Variants in TMEM114 observed in about 807,000 individuals in gnomAD.
TMEM114 encodes the protein claudin-26.
Under a neutral mutation model 6.2 loss-of-function variants are expected in TMEM114, and 6 were observed. The ratio of observed to expected loss-of-function variants is 0.97; its 90% CI spans 0.53 to 1.91. The LOEUF (loss-of-function observed/expected upper bound fraction) is 1.91, where lower values mean the gene tolerates loss of function less well. TMEM114 is among the 40% of genes most tolerant of loss of function. The pLI, the probability that TMEM114 is intolerant of heterozygous loss-of-function variation, is 0.01. For synonymous variants in TMEM114, 104 were observed against 73.0 expected, an observed-to-expected ratio of 1.42 and a Z score of -2.16; for missense variants, 218 against 158.3, an observed-to-expected ratio of 1.38 and a Z score of -2.02.
At chr16:8,548,694 G>GTATA (rs141212101) in intron 2 of TMEM114, among the ~76,000 whole-genome samples, 38,283 of 139,840 alleles carry the variant, frequency 0.27, 6,008 homozygotes, top group South Asian at 0.33. Context: ...AAATTGCCAT[G>GTATA]TATATATATA....
At position 8,586,841 on chromosome 16, in the gene TMEM114, A is replaced by G. The variant is rs1023508286; in HGVS notation, c.301+2372T>C. On this transcript the variant is annotated intron_variant, in intron 2 of 3. Coordinates refer to ENST00000620492, the MANE Select transcript of TMEM114 (RefSeq NM_001146336.2). ...TTATAATTCTTGAAACAGTGCTTCAAAGACACTCACAGTTTCCCCTTGTGC... is the reference window on the plus strand; with the variant it reads ...TTATAATTCTTGAAACAGTGCTTCAGAGACACTCACAGTTTCCCCTTGTGC... 6.6e-5 allele frequency among the ~76,000 whole-genome samples: 10 copies of G among 152,140 alleles called. 1 individual carries two copies. The highest frequency in any genetic ancestry group is 6.5e-4 in the Admixed American group (10 of 15,268).
At chr16:8,562,908 G>C (rs1901316688) in intron 2 of TMEM114, among the ~76,000 whole-genome samples, 1 of 125,090 alleles carries the variant, frequency 8.0e-6, no homozygotes, top group East Asian at 2.2e-4. Flanking sequence ...GAATGAGTGA[G>C]TGAATGAGTA....
downstream of TMEM114, among the ~76,000 whole-genome samples, chr16:8,565,247 G>A (rs1372705958): frequency 6.6e-6 from 1 of 152,190 alleles, no homozygotes; most frequent in Admixed American, 6.5e-5. Flanking sequence ...CATGGGACAG[G>A]TATAAGCAAG....
intron 3 of TMEM114, among the ~76,000 whole-genome samples, chr16:8,571,384 C>T (rs1159551801): frequency 6.6e-6 from 1 of 152,120 alleles, no homozygotes; most frequent in Non-Finnish European, 1.5e-5. Flanking sequence ...TGGAGTGGCT[C>T]GGTCAAACTA....
At chr16:8,556,361 G>A (rs1313782162) in intron 2 of TMEM114, among the ~76,000 whole-genome samples, 6 of 152,094 alleles carry the variant, frequency 3.9e-5, no homozygotes, top group Non-Finnish European at 8.8e-5. Context: ...GTTTCCTTTT[G>A]GGTTGAAAAG....
intron 2 of TMEM114, among the ~76,000 whole-genome samples, chr16:8,553,982 G>C (rs1385480380): frequency 6.6e-6 from 1 of 151,632 alleles, no homozygotes. Flanking sequence ...AGGTTCAAGC[G>C]ATTCTCATGT....
At chr16:8,576,703 G>A (rs1055040869) in intron 2 of TMEM114, among the ~76,000 whole-genome samples, 2 of 128,254 alleles carry the variant, frequency 1.6e-5, no homozygotes, top group African/African-American at 6.0e-5. Flanking sequence ...ATGAATGAGA[G>A]CAGGAAGGAA....
chr16:8,527,051 T>C, the TMEM114 span, among the ~76,000 whole-genome samples: 1 of 152,174 alleles, frequency 6.6e-6, no homozygotes, highest in African/African-American at 2.4e-5. Context: ...CTGCTAAACA[T>C]AGCAAAATTA....
chr16:8,571,263 C>G (rs1384507533), intron 3 of TMEM114, among the ~76,000 whole-genome samples: 2 of 152,070 alleles, frequency 1.3e-5, no homozygotes, highest in South Asian at 4.1e-4. Context: ...GTCTGTCCAC[C>G]TGTTGTTTTG....
At chr16:8,536,539 T>A (rs1167443825), downstream of TMEM114, among the ~76,000 whole-genome samples, 1 of 152,204 alleles carries the variant, frequency 6.6e-6, no homozygotes, top group Admixed American at 6.5e-5. Context: ...TCAGCTCAAG[T>A]AATGAAGTCT....
chr16:8,529,989 G>A, the TMEM114 span, among the ~76,000 whole-genome samples: 7 of 152,256 alleles, frequency 4.6e-5, 1 homozygote, highest in African/African-American at 1.7e-4. Flanking sequence ...TTTGACTGAT[G>A]GTTCTAATTG....
At chr16:8,573,759 G>A (rs1236712086) in intron 2 of TMEM114, among the ~76,000 whole-genome samples, 1 of 152,102 alleles carries the variant, frequency 6.6e-6, no homozygotes, top group African/African-American at 2.4e-5. Context: ...ATTCACCACT[G>A]TCCACCCAGT....
chr16:8,550,415 T>C (rs1465472169), intron 2 of TMEM114, among the ~76,000 whole-genome samples: 3 of 152,094 alleles, frequency 2.0e-5, no homozygotes, highest in African/African-American at 7.2e-5. Context: ...GTGCGGTGGC[T>C]CACGCCTGCA....
At chr16:8,579,502 G>C (rs1902062069) in intron 2 of TMEM114, among the ~76,000 whole-genome samples, 1 of 152,150 alleles carries the variant, frequency 6.6e-6, no homozygotes, top group Non-Finnish European at 1.5e-5. Flanking sequence ...GAGGATGGGG[G>C]CTGCCTCTTC....
chr16:8,530,175 C>G, the TMEM114 span, among the ~76,000 whole-genome samples: 4 of 152,186 alleles, frequency 2.6e-5, no homozygotes, highest in Non-Finnish European at 4.4e-5. Context: ...CCTTCCCACC[C>G]TCTAATCTCA....
At chr16:8,583,875 C>T (rs889477101) in intron 2 of TMEM114, among the ~76,000 whole-genome samples, 5 of 152,158 alleles carry the variant, frequency 3.3e-5, no homozygotes, top group African/African-American at 4.8e-5. Context: ...ATCATGTGAC[C>T]AATCCTCCCC....
At chr16:8,577,911 C>T (rs1430215906) in intron 2 of TMEM114, among the ~76,000 whole-genome samples, 4 of 152,162 alleles carry the variant, frequency 2.6e-5, no homozygotes, top group African/African-American at 2.4e-5. Flanking sequence ...CAATCCTGAG[C>T]GCATGCATTC....
downstream of TMEM114, among the ~76,000 whole-genome samples, chr16:8,535,066 T>C (rs1253828293): frequency 2.0e-5 from 3 of 152,134 alleles, no homozygotes; most frequent in South Asian, 6.2e-4. Context: ...GGAGTGGTGG[T>C]GGAGGGGTGT....
intron 2 of TMEM114, among the ~76,000 whole-genome samples, chr16:8,538,459 T>A (rs1900425110): frequency 6.6e-6 from 1 of 152,132 alleles, no homozygotes; most frequent in South Asian, 2.1e-4. Context: ...TATGGCTGTA[T>A]GAACCTAGAC....
Sources: allele counts gnomAD v4.1 joint callset (sites outside exome capture counted in the v4.1 genomes callset), GRCh38; gene constraint gnomAD v4.1.1; transcripts MANE v1.5; gene names NCBI Gene and HGNC (gene_info 2026-07-23, HGNC 2026-07-21).